TIMP3: variants seen among roughly 807,000 people sequenced by gnomAD.
The protein encoded by TIMP3 is TIMP metallopeptidase inhibitor 3.
A neutral mutation model predicts 30.0 loss-of-function variants in TIMP3; 11 were observed. The observed-to-expected ratio is 0.37, with a 90% CI of 0.23 to 0.61. TIMP3 has a LOEUF of 0.61. Among genes scored for constraint, TIMP3 ranks in the 20% least tolerant of loss-of-function variants. TIMP3 has a pLI of 0.70. For synonymous variants in TIMP3, 112 were observed against 111.3 expected (o/e 1.01, Z -0.04); for missense variants, 181 against 276.8 (o/e 0.65, Z 2.45).
At chr22:32,847,063 T>C (rs1026523391) in intron 1 of TIMP3, among the ~76,000 whole-genome samples, 8 of 152,152 alleles carry the variant, frequency 5.3e-5, no homozygotes, top group Admixed American at 3.9e-4. Flanking sequence ...AAGGAATCCC[T>C]TTTGCCTTGC....
rs1483376430 is a variant in TIMP3 at position 32,837,358 on chromosome 22, G to C, written c.122-12094G>C. On this transcript the variant is annotated intron_variant, in intron 1 of 4. Coordinates refer to ENST00000266085, the MANE Select transcript of TIMP3 (RefSeq NM_000362.5). This position sits in a 1 kb window ranked among gnomAD's most constrained non-coding sequence, Gnocchi z 4.1. ...TCAGCCCCCCTCACCGAGTGCACTT[G>C]CATGGCAGTAAGCAAGTCGGCGCCT... Among the ~76,000 whole-genome samples, 3 of 151,966 alleles carry C rather than the reference G, an allele frequency of 2.0e-5. No homozygotes were observed.
chr22:32,821,702 C>A (rs1383690073), intron 1 of TIMP3, among the ~76,000 whole-genome samples: 1 of 152,174 alleles, frequency 6.6e-6, no homozygotes, highest in Non-Finnish European at 1.5e-5. Flanking sequence ...AAGCAGCTTC[C>A]AGGGGGTGGA....
intron 1 of TIMP3, among the ~76,000 whole-genome samples, chr22:32,816,516 G>A (rs1490130966): frequency 6.6e-6 from 1 of 152,178 alleles, no homozygotes; most frequent in East Asian, 1.9e-4. Context: ...CTTGAGACCA[G>A]CTTTTTTATT....
intron 1 of TIMP3, among the ~76,000 whole-genome samples, chr22:32,817,756 A>G (rs530437906): frequency 2.6e-5 from 4 of 152,322 alleles, no homozygotes; most frequent in Non-Finnish European, 2.9e-5. Context: ...CGTTAAGGAC[A>G]TGATTGAAGG....
intron 1 of TIMP3, among the ~76,000 whole-genome samples, chr22:32,841,139 T>G (rs1307036190): frequency 1.3e-5 from 2 of 152,348 alleles, no homozygotes; most frequent in East Asian, 3.9e-4. Context: ...CTTCCCATAT[T>G]CAGCAAATAC....
chr22:32,827,960 TC>T (rs2047460874), intron 1 of TIMP3, among the ~76,000 whole-genome samples: 1 of 152,118 alleles, frequency 6.6e-6, no homozygotes, highest in Non-Finnish European at 1.5e-5. Flanking sequence ...TTGCCTCCCT[TC>T]CCCTCCTACC....
At chr22:32,818,519 A>G (rs1339055947) in intron 1 of TIMP3, among the ~76,000 whole-genome samples, 4 of 152,186 alleles carry the variant, frequency 2.6e-5, no homozygotes, top group African/African-American at 9.7e-5. Context: ...TGGGTTCTCA[A>G]GTAGTCACTA....
intron 1 of TIMP3, among the ~76,000 whole-genome samples, chr22:32,813,558 C>T (rs2046973944): frequency 6.6e-6 from 1 of 151,142 alleles, no homozygotes. Context: ...AAAACATGTC[C>T]ATGGGCCAGA....
At chr22:32,830,399 C>T (rs781407689) in intron 1 of TIMP3, among the ~76,000 whole-genome samples, 11 of 151,964 alleles carry the variant, frequency 7.2e-5, no homozygotes, top group African/African-American at 1.9e-4. Flanking sequence ...ATGCTTTGCC[C>T]GACAGTCTAT....
intron 1 of TIMP3, among the ~76,000 whole-genome samples, chr22:32,814,107 CGTGTGTGTGTGTGT>C (rs130279): frequency 2.0e-5 from 2 of 97,676 alleles, no homozygotes; most frequent in African/African-American, 4.3e-5. Context: ...AGGCAATACT[CGTGTGTGTGTGTGT>C]GTGTGTGTGT....
At chr22:32,806,694 T>A (rs575517017) in intron 1 of TIMP3, among the ~76,000 whole-genome samples, 1 of 152,342 alleles carries the variant, frequency 6.6e-6, no homozygotes, top group South Asian at 2.1e-4. Flanking sequence ...TTATCTATAT[T>A]TTAAAAGCTA....
intron 1 of TIMP3, among the ~76,000 whole-genome samples, chr22:32,814,919 A>C (rs1456798336): frequency 1.3e-5 from 2 of 152,234 alleles, no homozygotes; most frequent in African/African-American, 4.8e-5. Context: ...AATTAATTTT[A>C]ATACTAAACC....
At chr22:32,859,121 C>T (rs762558921) in intron 4 of TIMP3, 59 bp from the exon 5 acceptor site, 14 of 1,587,898 alleles carry the variant, frequency 8.8e-6, no homozygotes, top group Middle Eastern at 1.7e-4. Flanking sequence ...GCTCGGTAGC[C>T]TCAGGCCTGG....
At chr22:32,831,387 C>CA (rs2047569063) in intron 1 of TIMP3, among the ~76,000 whole-genome samples, 1 of 152,112 alleles carries the variant, frequency 6.6e-6, no homozygotes, top group Non-Finnish European at 1.5e-5. Flanking sequence ...CTGATATCCT[C>CA]TGAAGAGTCT....
At chr22:32,852,611 C>T (rs930050174) in intron 2 of TIMP3, among the ~76,000 whole-genome samples, 4 of 152,038 alleles carry the variant, frequency 2.6e-5, no homozygotes, top group African/African-American at 4.8e-5. Flanking sequence ...CCTGAGACTC[C>T]GAGCCGCCCT....
At chr22:32,823,932 G>A (rs1423216917) in intron 1 of TIMP3, among the ~76,000 whole-genome samples, 1 of 152,114 alleles carries the variant, frequency 6.6e-6, no homozygotes, top group Non-Finnish European at 1.5e-5. Context: ...GTCATGGAGT[G>A]ACATCTTATG....
chr22:32,813,516 C>CACAT (rs1184591549), intron 1 of TIMP3, among the ~76,000 whole-genome samples: 28 of 147,438 alleles, frequency 1.9e-4, no homozygotes, highest in African/African-American at 5.9e-4. Flanking sequence ...CACACACACA[C>CACAT]ACACACACAC....
Position 32,824,190 on chromosome 22 carries a change from A to G in TIMP3, c.121+22068A>G, listed in dbSNP as rs2146082809. Among the ~76,000 whole-genome samples the G allele has an allele frequency of 1.3e-5, 2 of 151,580 alleles. 1 individual carries two copies. The highest frequency in any genetic ancestry group is 4.2e-4 in the South Asian group (2 of 4,782). ...CTACTTGGGAGGCTGAGGCAGGATA[A>G]TCACTTAAACTTGGGAGGTGGAGGT... On this transcript the variant is annotated intron_variant, in intron 1 of 4. Coordinates refer to ENST00000266085, the MANE Select transcript of TIMP3 (RefSeq NM_000362.5).
At chr22:32,811,036 A>G (rs188538309) in intron 1 of TIMP3, among the ~76,000 whole-genome samples, 9 of 152,304 alleles carry the variant, frequency 5.9e-5, no homozygotes. Flanking sequence ...GAAATACTTC[A>G]TGGAATGTTT....
Sources: gnomAD v4.1 joint callset for allele counts (sites outside exome capture counted in the v4.1 genomes callset) on GRCh38, gnomAD v4.1.1 for gene constraint, Gnocchi (gnomAD v3.1) non-coding constraint, MANE v1.5 for transcripts, NCBI Gene and HGNC (gene_info 2026-07-23, HGNC 2026-07-21) for gene names.